The following MYO18A variants were observed in gnomAD, a reference collection of about 807,000 sequenced individuals.
The protein encoded by MYO18A is myosin XVIIIA.
MYO18A carries 78 observed loss-of-function variants against 235.8 expected under a neutral mutation model. The observed-to-expected ratio is 0.33, with a 90% CI of 0.28 to 0.40. The LOEUF (loss-of-function observed/expected upper bound fraction) is 0.40. Ranked by LOEUF, MYO18A falls within the 10% of genes least tolerant of loss-of-function variation. The pLI is 1.00. For missense variants in MYO18A, 2,215 were observed against 2,699.3 expected, an observed-to-expected ratio of 0.82 and a Z score of 3.98; for synonymous variants, 977 against 1,077.8, an observed-to-expected ratio of 0.91 and a Z score of 1.83.
rs901099169 is a variant in MYO18A, at chr17:29,098,029, G to A, written c.3990+76C>T. On this transcript the variant is annotated intron_variant, in intron 25 of 41. Coordinates refer to ENST00000527372, the MANE Select transcript of MYO18A (RefSeq NM_078471.4). ...TGGGCTAGGGGTGAAGATGCCAACT[G>A]TCTTTGGGGGGAGCCAATGGGCACT... is the stretch of plus-strand genomic sequence containing the variant. 152 of 1,590,622 alleles carry A rather than the reference G, an allele frequency of 9.6e-5. 2 individuals are homozygous for A. The East Asian group carries it at 2.0e-3, about 21-fold the overall frequency.
chr17:29,081,240 T>C (rs753562663), intron 41 of MYO18A, among the ~76,000 whole-genome samples: 2 of 152,246 alleles, frequency 1.3e-5, no homozygotes, highest in African/African-American at 4.8e-5. Flanking sequence ...GAGAATGTCA[T>C]GTAAATTAGA....
intron 12 of MYO18A, 100 bp downstream of exon 12, chr17:29,115,564 G>A: frequency 6.8e-7 from 1 of 1,475,338 alleles, no homozygotes; most frequent in African/African-American, 1.4e-5. Flanking sequence ...CACTGACAGA[G>A]CATCTGTTCA....
intron 21 of MYO18A, among the ~76,000 whole-genome samples, chr17:29,100,987 G>A (rs1320927712): frequency 6.6e-6 from 1 of 152,190 alleles, no homozygotes; most frequent in Admixed American, 6.5e-5. Context: ...AGTTCTACCT[G>A]AGCCTCAATT....
intron 2 of MYO18A, among the ~76,000 whole-genome samples, chr17:29,150,408 CA>C (rs779457246): frequency 2.0e-5 from 3 of 152,232 alleles, no homozygotes; most frequent in African/African-American, 4.8e-5. Flanking sequence ...AGCGCTGCCC[CA>C]GTTGTGGTGG....
Position 29,099,648 on chromosome 17 carries a change from A to C in MYO18A, c.3622T>G (p.Phe1208Val). Residue 1208 changes from phenylalanine to valine, a missense_variant, in exon 22 of 42, where the codon TTC (phenylalanine) becomes GTC (valine). Phe to Val is a conservative substitution (Grantham distance 50, BLOSUM62 -1). Transcript: ENST00000527372. ...TAGAGCAGCACCTTTCTCTTCTTGA[A>C]GTGCTGGCGGGCCAGGTAGCCCCTG... Reference protein sequence around the residue: ...ACRGYLARQHFKKRKIQDLAI... With the variant: ...ACRGYLARQHVKKRKIQDLAI... The C allele has an allele frequency of 6.2e-7, 1 of 1,613,640 alleles. No individual in the cohort carries two copies. Among genetic ancestry groups the C allele is most frequent in the Non-Finnish European group, 8.5e-7 (1 of 1,179,746 alleles).
rs768592317 is a variant in MYO18A, at chr17:29,090,587, T to C, written c.5333A>G (p.Asp1778Gly). ...GGCTTCTTCTAGCTGAGCTTGGAGA[T>C]CATTTATCTGAGCCAGGTCCCGGGA... ...QASRDLAQIN[D>G]LQAQLEEANK... The change falls in exon 36 of 42, where the codon GAT (aspartate) becomes GGT (glycine). Residue 1778 changes from aspartate (D) to glycine (G), a missense_variant. Asp to Gly is a moderately conservative substitution (Grantham distance 94). Transcript: ENST00000527372. The C allele has an allele frequency of 3.1e-5, 49 of 1,601,270 alleles. No homozygotes were observed. The East Asian group carries it at 1.1e-3, about 36-fold the overall frequency.
At chr17:29,164,443 G>C (rs1204934762) in intron 2 of MYO18A, among the ~76,000 whole-genome samples, 1 of 152,194 alleles carries the variant, frequency 6.6e-6, no homozygotes, top group African/African-American at 2.4e-5. Flanking sequence ...CTTCCTGACA[G>C]TCTGACCCTA....
At position 29,071,822 on chromosome 17, in the gene MYO18A, T is replaced by C. The variant is rs1284654466; in HGVS notation, c.*2948A>G. The C allele has an allele frequency of 1.3e-5, 2 of 152,168 alleles. No homozygotes were observed. Among genetic ancestry groups the C allele is most frequent in the African/African-American group, 4.8e-5 (2 of 41,440 alleles). The allele number at this position is 152,168 out of a possible 1,614,324, so 9.4% of individuals were successfully genotyped here. On this transcript the variant is annotated 3_prime_UTR_variant, in exon 42 of 42. Coordinates refer to ENST00000527372, the MANE Select transcript of MYO18A (RefSeq NM_078471.4). ...TTCCTCTCTACCCACTCTAAGCTTA[T>C]GCATACTAGCAGGTGCAGCATGTAT...
rs2067144074 is a variant in MYO18A at position 29,119,339 on chromosome 17, G to T, written c.1825C>A (p.Leu609Ile). Residue 609 changes from leucine (L) to isoleucine (I), a missense_variant, in exon 8 of 42, where the codon CTC becomes ATC. Leu to Ile is a conservative substitution (Grantham distance 5). Coordinates refer to ENST00000527372, the MANE Select transcript of MYO18A (RefSeq NM_078471.4). Reference protein sequence around the residue: ...YYLLACGDGTLRTELHLNHLA... With the variant: ...YYLLACGDGTIRTELHLNHLA... The stretch of plus-strand genomic sequence containing the variant: ...GTACCCTCTGACCCATCTCACCTGA[G>T]GGTGCCATCCCCACAGGCCAGCAGG... The T allele has an allele frequency of 6.2e-7, 1 of 1,611,258 alleles. No individual in the cohort carries two copies. The highest frequency in any genetic ancestry group is 1.3e-5 in the African/African-American group (1 of 74,838).
chr17:29,110,575 A>G lies in MYO18A; in HGVS notation c.2948T>C (p.Val983Ala), dbSNP rs1300135365. 1 of 1,612,270 alleles carries G rather than the reference A, an allele frequency of 6.2e-7. No homozygotes were observed. The highest frequency in any genetic ancestry group is 1.7e-5 in the Admixed American group (1 of 59,886). ...CAGGCCCGCGATGGAGCCAGAGAGC[A>G]CCGTGGCACTGCCTGCGCGGCCCAG... ...LFLGRAGSATVLSGSIAGLEG... is the reference protein window; with the variant it reads ...LFLGRAGSATALSGSIAGLEG... The change falls in exon 18 of 42, where the codon GTG becomes GCG. Residue 983 changes from valine (V) to alanine (A), a missense_variant. Physicochemically the swap from Val to Ala is moderately conservative, Grantham distance 64. Transcript: ENST00000527372.
rs1235403226 is a variant in MYO18A at position 29,073,631 on chromosome 17, C to T, written c.*1139G>A. 2 of 533,970 alleles carry T rather than the reference C, an allele frequency of 3.7e-6. No individual in the cohort carries two copies. Among genetic ancestry groups the T allele is most frequent in the South Asian group, 2.9e-5 (1 of 33,904 alleles). The allele number at this position is 533,970 out of a possible 1,614,324, so 33.1% of individuals were successfully genotyped here. A position where few individuals can be genotyped will look rare whatever the true frequency, so the allele number is the denominator to read the frequency against. Reference sequence around the variant, plus strand: ...AGGGGGGCGGCAGATGGGAGCAGCACCAGGCACTGCACTTGGGCTCCCAAG... The same window carrying T: ...AGGGGGGCGGCAGATGGGAGCAGCATCAGGCACTGCACTTGGGCTCCCAAG... On this transcript the variant is annotated 3_prime_UTR_variant, in exon 42 of 42. Coordinates refer to ENST00000527372, the MANE Select transcript of MYO18A (RefSeq NM_078471.4).
At chr17:29,124,531 G>T in intron 2 of MYO18A, 1 of 679,418 alleles carries the variant, frequency 1.5e-6, no homozygotes, top group Non-Finnish European at 2.0e-6. Context: ...GCCTGGAGGG[G>T]AAAGAGGCCT....
At chr17:29,089,890 G>A (rs2066354416) in intron 37 of MYO18A, 71 bp downstream of exon 37, 5 of 1,590,102 alleles carry the variant, frequency 3.1e-6, no homozygotes, top group Admixed American at 1.7e-5. Context: ...CAGCCCTGCT[G>A]AGCATGCGCG....
intron 1 of MYO18A, among the ~76,000 whole-genome samples, chr17:29,177,546 C>A (rs117093639): frequency 6.6e-6 from 1 of 152,120 alleles, no homozygotes; most frequent in East Asian, 1.9e-4. Context: ...CTAATTCAGG[C>A]CACCTTGGAA....
intron 2 of MYO18A, among the ~76,000 whole-genome samples, chr17:29,143,948 T>C (rs2067795962): frequency 6.6e-6 from 1 of 152,242 alleles, no homozygotes; most frequent in Non-Finnish European, 1.5e-5. Flanking sequence ...TGCTGAAGCC[T>C]TGCATATGCC....
chr17:29,086,494 C>A lies in MYO18A; in HGVS notation c.5796G>T (p.Leu1932=). The change falls in exon 39 of 42, where the codon CTG becomes CTT. Residue 1932 remains leucine, a synonymous_variant. Coordinates refer to ENST00000527372, the MANE Select transcript of MYO18A (RefSeq NM_078471.4). ...CCATCTCATCCTCAATGGCAGCCTGCAGGTCCCCGATGCGCTTGAATGCCA... is the reference window on the plus strand; with the variant it reads ...CCATCTCATCCTCAATGGCAGCCTGAAGGTCCCCGATGCGCTTGAATGCCA... ...LKLAFKRIGD[L]QAAIEDEMES... is the part of the protein sequence containing the mutation. 1 of 1,611,048 alleles carries A rather than the reference C, an allele frequency of 6.2e-7. No individual in the cohort carries two copies. The highest frequency in any genetic ancestry group is 1.1e-5 in the South Asian group (1 of 90,316).
At position 29,072,559 on chromosome 17, in the gene MYO18A, T is replaced by C. The variant is rs75319868; in HGVS notation, c.*2211A>G. On this transcript the variant is annotated 3_prime_UTR_variant, in exon 42 of 42. Coordinates refer to ENST00000527372, the MANE Select transcript of MYO18A (RefSeq NM_078471.4). ...ACAAGTAACTTCCCTTTTACTATTG[T>C]TTCTATCCTCTTCTCTGTTCTATCG... The C allele has an allele frequency of 6.6e-6, 1 of 152,286 alleles. No homozygotes were observed. The highest frequency in any genetic ancestry group is 1.5e-5 in the Non-Finnish European group (1 of 68,138). The allele number at this position is 152,286 out of a possible 1,614,324, so 9.4% of individuals were successfully genotyped here.
In MYO18A at chr17:29,103,600, C is replaced by T. The variant is rs758668657; in HGVS notation, c.3506G>A (p.Arg1169Gln). 11 of 1,613,786 alleles carry T rather than the reference C, an allele frequency of 6.8e-6. No homozygotes were observed. The highest frequency in any genetic ancestry group is 5.0e-5 in the Admixed American group (3 of 60,008). Reference sequence around the variant, plus strand: ...CTGCCCTCCTGTGGGACAACTCACCCGGCTCAGGCCCATGCAGCAGCTGCT... The same window carrying T: ...CTGCCCTCCTGTGGGACAACTCACCTGGCTCAGGCCCATGCAGCAGCTGCT... The part of the protein sequence containing the change: ...EKSSCCMGLS[R>Q]VFFRAGTLAR... The change falls in exon 21 of 42, where the codon CGG becomes CAG. Residue 1169 changes from arginine (R) to glutamine (Q), a missense_variant and splice_region_variant. Physicochemically the swap from Arg to Gln is conservative, Grantham distance 43. Transcript: ENST00000527372.
rs1598290502 is a variant in MYO18A, at chr17:29,094,214, C to T, written c.4711-124G>A. The T allele has an allele frequency of 4.4e-6, 3 of 686,784 alleles. No individual in the cohort carries two copies. In the East Asian group the frequency reaches 8.1e-5, roughly 19 times the overall value. 42.5% of individuals were successfully genotyped at this position (686,784 alleles called of 1,614,324 possible). A position where few individuals can be genotyped will look rare whatever the true frequency, so the allele number is the denominator to read the frequency against. Reference sequence around the variant, plus strand: ...TCCACCAGCCAGTTCCCTTTGCTGGCACCTTGCTCCCGTGGCAGCAGCTTC... The same window carrying T: ...TCCACCAGCCAGTTCCCTTTGCTGGTACCTTGCTCCCGTGGCAGCAGCTTC... On this transcript the variant is annotated intron_variant, in intron 30 of 41. Transcript: ENST00000527372.
Sources: gnomAD v4.1 joint callset for allele counts (sites outside exome capture counted in the v4.1 genomes callset) on GRCh38, gnomAD v4.1.1 for gene constraint, MANE v1.5 for transcripts, NCBI Gene and HGNC (gene_info 2026-07-23, HGNC 2026-07-21) for gene names.